CSGALNACT1: variants seen among roughly 807,000 people sequenced by gnomAD.
CSGALNACT1 encodes chondroitin sulfate N-acetylgalactosaminyltransferase 1.
In CSGALNACT1, 52 loss-of-function variants were observed where a neutral mutation model predicts 51.0. The ratio of observed to expected loss-of-function variants is 1.02; its 90% CI spans 0.82 to 1.29. CSGALNACT1 has a LOEUF of 1.29. Ranked by LOEUF, CSGALNACT1 falls within the 50% of genes most tolerant of loss-of-function variation. The probability of loss-of-function intolerance (pLI) is 0.00; values close to 1 mark genes in which losing one functional copy is unlikely to be tolerated. For missense variants in CSGALNACT1, 935 were observed against 679.2 expected, an observed-to-expected ratio of 1.38 and a Z score of -4.19; for synonymous variants, 341 against 254.4, an observed-to-expected ratio of 1.34 and a Z score of -3.24.
chr8:19,602,489 C>G (rs994657335), exon 1 of CSGALNACT1: 3 of 152,448 alleles, frequency 2.0e-5, no homozygotes, highest in African/African-American at 4.8e-5. Context: ...GAGGACCGAG[C>G]GCATCTGCCC....
At chr8:19,537,460 C>T (rs2084023635) in intron 3 of CSGALNACT1, among the ~76,000 whole-genome samples, 2 of 152,294 alleles carry the variant, frequency 1.3e-5, no homozygotes, top group South Asian at 4.1e-4. Flanking sequence ...CTTCTTTCTC[C>T]TTTCATAAAT....
At chr8:19,452,538 C>G (rs560239006) in intron 5 of CSGALNACT1, among the ~76,000 whole-genome samples, 24 of 152,210 alleles carry the variant, frequency 1.6e-4, no homozygotes, top group African/African-American at 5.8e-4. Context: ...ATGCTGAGAG[C>G]TGATGACATA....
chr8:19,717,810 G>T (rs1217575488), intron 1 of CSGALNACT1, among the ~76,000 whole-genome samples: 1 of 152,120 alleles, frequency 6.6e-6, no homozygotes, highest in East Asian at 1.9e-4. Flanking sequence ...CCCTAGTCTT[G>T]GCTAGGCTCA....
chr8:19,611,276 T>C (rs2052220129), intron 1 of CSGALNACT1, among the ~76,000 whole-genome samples: 1 of 152,298 alleles, frequency 6.6e-6, no homozygotes, highest in African/African-American at 2.4e-5. Context: ...TTAACATTCA[T>C]CTCCTCCAAA....
chr8:19,531,684 GTGA>G (rs2082790458), intron 3 of CSGALNACT1: 1 of 152,184 alleles, frequency 6.6e-6, no homozygotes, highest in Non-Finnish European at 1.5e-5. Flanking sequence ...TATAGCCAAG[GTGA>G]AATTTTTTTA....
chr8:19,590,327 T>C (rs1271893538), intron 3 of CSGALNACT1, among the ~76,000 whole-genome samples: 1 of 152,246 alleles, frequency 6.6e-6, no homozygotes, highest in Non-Finnish European at 1.5e-5. Context: ...AACGTAGTAA[T>C]AGTAGACATC....
At chr8:19,613,134 ACT>A (rs966289449) in intron 1 of CSGALNACT1, among the ~76,000 whole-genome samples, 1 of 151,906 alleles carries the variant, frequency 6.6e-6, no homozygotes, top group Non-Finnish European at 1.5e-5. Flanking sequence ...GTGAGACAAA[ACT>A]CTTAAAAATT....
chr8:19,641,066 T>A (rs577629601), intron 1 of CSGALNACT1, among the ~76,000 whole-genome samples: 1 of 151,558 alleles, frequency 6.6e-6, no homozygotes, highest in Non-Finnish European at 1.5e-5. Flanking sequence ...TCTCCTTCCA[T>A]GGAGTTCTCA....
At chr8:19,617,716 T>C (rs1006008895) in intron 1 of CSGALNACT1, among the ~76,000 whole-genome samples, 1 of 152,240 alleles carries the variant, frequency 6.6e-6, no homozygotes, top group African/African-American at 2.4e-5. Context: ...AGTATTTTCA[T>C]TGAATTACTT....
intron 1 of CSGALNACT1, among the ~76,000 whole-genome samples, chr8:19,713,427 T>A (rs1471113795): frequency 6.6e-6 from 1 of 152,140 alleles, no homozygotes; most frequent in African/African-American, 2.4e-5. Flanking sequence ...TGCGTTGAAT[T>A]GTGTCCCCAC....
intron 4 of CSGALNACT1, among the ~76,000 whole-genome samples, chr8:19,501,203 T>C (rs1017219386): frequency 8.0e-5 from 10 of 124,548 alleles, no homozygotes; most frequent in Admixed American, 7.8e-4. Flanking sequence ...TGAGCTGAGA[T>C]AGAATCAGCC....
intron 4 of CSGALNACT1, among the ~76,000 whole-genome samples, chr8:19,479,131 TAGG>T (rs1045289905): frequency 2.6e-5 from 4 of 152,168 alleles, no homozygotes; most frequent in Non-Finnish European, 4.4e-5. Flanking sequence ...TTGAAAGAAA[TAGG>T]AGAAAATACA....
intron 1 of CSGALNACT1, among the ~76,000 whole-genome samples, chr8:19,691,704 C>G (rs774302777): frequency 5.9e-5 from 9 of 152,144 alleles, no homozygotes; most frequent in Non-Finnish European, 1.0e-4. Context: ...AGTGACTCAG[C>G]CTCTTTAAGC....
chr8:19,528,505 A>T (rs2082145377), intron 3 of CSGALNACT1, among the ~76,000 whole-genome samples: 1 of 152,016 alleles, frequency 6.6e-6, no homozygotes, highest in Non-Finnish European at 1.5e-5. Context: ...TCTTGGCCAA[A>T]GTGACTGCCT....
chr8:19,515,883 A>T (rs953767424), intron 3 of CSGALNACT1, among the ~76,000 whole-genome samples: 2 of 152,072 alleles, frequency 1.3e-5, no homozygotes, highest in African/African-American at 4.8e-5. Context: ...GTGGTCATGG[A>T]CCCCAGAAGG....
At chr8:19,545,627 G>A (rs2086282374) in intron 3 of CSGALNACT1, among the ~76,000 whole-genome samples, 1 of 151,924 alleles carries the variant, frequency 6.6e-6, no homozygotes, top group South Asian at 2.1e-4. Flanking sequence ...CAATGAATGA[G>A]TATGCTAAAA....
At chr8:19,513,434 C>A (rs78134248) in intron 3 of CSGALNACT1, among the ~76,000 whole-genome samples, 987 of 66,194 alleles carry the variant, frequency 0.015, 11 homozygotes, top group African/African-American at 0.025. Flanking sequence ...CTCTCTCTCT[C>A]TCTATATATA....
intron 1 of CSGALNACT1, among the ~76,000 whole-genome samples, chr8:19,641,177 T>G (rs2056701882): frequency 1.4e-5 from 2 of 145,332 alleles, no homozygotes; most frequent in East Asian, 2.2e-4. Context: ...CTCTCTCCCC[T>G]TCACTTCTCC....
At chr8:19,601,569 T>C (rs6984585) in intron 2 of CSGALNACT1, among the ~76,000 whole-genome samples, 19,208 of 152,216 alleles carry the variant, frequency 0.13, 1,333 homozygotes, top group African/African-American at 0.19. Flanking sequence ...TTACAGCCTT[T>C]AAAAAGTGAA....
Sources: allele counts gnomAD v4.1 joint callset (sites outside exome capture counted in the v4.1 genomes callset), GRCh38; gene constraint gnomAD v4.1.1; transcripts MANE v1.5; gene names NCBI Gene and HGNC (gene_info 2026-07-23, HGNC 2026-07-21).